Variants in SLC26A3 observed in about 807,000 individuals in gnomAD.
The protein encoded by SLC26A3 is solute carrier family 26 member 3, also known as chloride anion exchanger.
SLC26A3 carries 64 observed loss-of-function variants against 85.6 expected under a neutral mutation model. The observed-to-expected ratio is 0.75, with a 90% CI of 0.61 to 0.92. The LOEUF (loss-of-function observed/expected upper bound fraction) is 0.92. SLC26A3 is among the 40% of genes least tolerant of loss of function. The pLI is 0.00. For missense variants in SLC26A3, 922 were observed against 927.3 expected (o/e 0.99, Z 0.07); for synonymous variants, 349 against 336.0 (o/e 1.04, Z -0.42).
chr7:107,796,649 G>T (rs894646758), intron 1 of SLC26A3, among the ~76,000 whole-genome samples: 2 of 152,116 alleles, frequency 1.3e-5, no homozygotes, highest in Non-Finnish European at 2.9e-5. Context: ...CAACAACATG[G>T]TTGGGGCAAT....
At chr7:107,768,587 C>A (rs532825924) in intron 18 of SLC26A3, among the ~76,000 whole-genome samples, 1 of 152,124 alleles carries the variant, frequency 6.6e-6, no homozygotes, top group Non-Finnish European at 1.5e-5. Flanking sequence ...TGACAGAAAA[C>A]GTGTGGTATA....
intron 13 of SLC26A3, 150 bp from the exon 14 acceptor site, chr7:107,776,856 G>T: frequency 2.8e-6 from 2 of 723,330 alleles, no homozygotes; most frequent in Admixed American, 4.2e-5. Flanking sequence ...ACTCTGGAAG[G>T]TGAACACCTT....
At chr7:107,799,462 T>C (rs1794566533) in intron 1 of SLC26A3, among the ~76,000 whole-genome samples, 1 of 152,052 alleles carries the variant, frequency 6.6e-6, no homozygotes. Flanking sequence ...GCGATTTCAT[T>C]TCACTGCAAA....
At chr7:107,788,779 CTTTTCT>C (rs1794341239) in intron 6 of SLC26A3, among the ~76,000 whole-genome samples, 2 of 122,160 alleles carry the variant, frequency 1.6e-5, no homozygotes, top group African/African-American at 6.3e-5. Flanking sequence ...TTTCTTTTTT[CTTTTCT>C]TTTTTTTTTT....
intron 1 of SLC26A3, among the ~76,000 whole-genome samples, chr7:107,798,901 G>A (rs377379475): frequency 1.3e-5 from 2 of 152,196 alleles, no homozygotes; most frequent in African/African-American, 2.4e-5. Flanking sequence ...ATACAGCAGC[G>A]TCCTGATAAC....
rs752239145 is a variant in SLC26A3, at chr7:107,776,483, A to T, written c.1646T>A (p.Ile549Asn). 9.3e-6 allele frequency: 15 copies of T among 1,614,122 alleles called. No homozygotes were observed. In the East Asian group the frequency reaches 2.9e-4, roughly 31 times the overall value. Residue 549 changes from isoleucine (I) to asparagine (N), a missense_variant, in exon 15 of 21, where the codon ATT becomes AAT. By Grantham distance (149) the Ile-to-Asn change is moderately radical. Coordinates refer to ENST00000340010, the MANE Select transcript of SLC26A3 (RefSeq NM_000111.3). ...RCPSPIYFAN[I>N]GFFRRKLIDA... ...GATAAGTTTCCGCCTAAAGAAACCA[A>T]TGTTTGCAAAGTAGATAGGAGATGG...
At chr7:107,795,364 A>C (rs776942516) in intron 1 of SLC26A3, among the ~76,000 whole-genome samples, 2 of 152,228 alleles carry the variant, frequency 1.3e-5, no homozygotes, top group Non-Finnish European at 2.9e-5. Flanking sequence ...TTTGATTATT[A>C]GCATTTTTTA....
At chr7:107,789,363 GC>G (rs1794353508) in intron 6 of SLC26A3, among the ~76,000 whole-genome samples, 160 bp downstream of exon 6, 1 of 150,932 alleles carries the variant, frequency 6.6e-6, no homozygotes, top group African/African-American at 2.4e-5. Context: ...CTCGTGATCC[GC>G]CCGCCTCGGC....
chr7:107,793,626 G>C lies in SLC26A3; in HGVS notation c.271+116C>G, dbSNP rs371816570. On this transcript the variant is annotated intron_variant, in intron 3 of 20. Coordinates refer to ENST00000340010, the MANE Select transcript of SLC26A3 (RefSeq NM_000111.3). ...GGTTGGTGGTGGTGAAAATGTTCCA[G>C]AATTAGATAGTGGTGACAGATGCAC... is the stretch of plus-strand genomic sequence containing the variant. The C allele has an allele frequency of 9.3e-4, 726 of 783,468 alleles. 8 individuals carry two copies. The African/African-American group carries it at 0.011, about 12-fold the overall frequency. The allele number at this position is 783,468 out of a possible 1,614,324, so 48.5% of individuals were successfully genotyped here.
intron 20 of SLC26A3, among the ~76,000 whole-genome samples, chr7:107,766,678 C>T (rs776744659): frequency 6.6e-6 from 1 of 152,112 alleles, no homozygotes. Context: ...AAGAGAAATA[C>T]CACCAGCTGC....
At chr7:107,779,901 C>T (rs936634312) in intron 11 of SLC26A3, 138 bp from the exon 12 acceptor site, 6 of 733,744 alleles carry the variant, frequency 8.2e-6, no homozygotes, top group African/African-American at 3.5e-5. Flanking sequence ...TTCCGGTGTG[C>T]GATGCCACGC....
At position 107,793,834 on chromosome 7, in the gene SLC26A3, A is replaced by G. The variant is rs1189027885; in HGVS notation, c.179T>C (p.Ile60Thr). 2 of 1,614,138 alleles carry G rather than the reference A, an allele frequency of 1.2e-6. No individual in the cohort carries two copies. The highest frequency in any genetic ancestry group is 2.2e-5 in the East Asian group (1 of 44,878). Residue 60 changes from isoleucine (I) to threonine (T), a missense_variant, in exon 3 of 21, where the codon ATA becomes ACA. By Grantham distance (89) the Ile-to-Thr change is moderately conservative. Transcript: ENST00000340010. ...AKRIVLSLFP[I>T]ASWLPAYRLK... is the part of the protein sequence containing the mutation. ...CCGGTATGCTGGCAACCAAGATGCT[A>G]TGGGGAACAAAGAGAGGACAATTCT...
chr7:107,779,135 G>C (rs1794176913), intron 12 of SLC26A3, among the ~76,000 whole-genome samples: 1 of 152,176 alleles, frequency 6.6e-6, no homozygotes, highest in African/African-American at 2.4e-5. Flanking sequence ...TAAACCAAGT[G>C]TAGTTTACTA....
chr7:107,789,746 C>G, intron 5 of SLC26A3, 58 bp from the exon 6 acceptor site: 3 of 1,512,134 alleles, frequency 2.0e-6, no homozygotes, highest in Non-Finnish European at 2.7e-6. Context: ...TCAGCAAACT[C>G]AAGGATCCGC....
rs1360001910 is a variant in SLC26A3 at position 107,791,236 on chromosome 7, C to T, written c.383-1G>A. On this transcript the variant is annotated splice_acceptor_variant, in intron 4 of 20. Transcript: ENST00000340010. LOFTEE classifies it high-confidence loss of function. The stretch of plus-strand genomic sequence containing the variant: ...ATCATACTCAGAATCGGAAACGGAC[C>T]TAATTAACAGTGGGTGAATCGTGGT... 6.2e-7 allele frequency: 1 copy of T among 1,614,020 alleles called. No homozygotes were observed. Among genetic ancestry groups the T allele is most frequent in the African/African-American group, 1.3e-5 (1 of 74,918 alleles).
intron 1 of SLC26A3, among the ~76,000 whole-genome samples, chr7:107,800,614 C>T (rs573530995): frequency 2.6e-5 from 4 of 152,226 alleles, no homozygotes; most frequent in Non-Finnish European, 5.9e-5. Context: ...AAATCTTAAC[C>T]ATTTTTCCCT....
rs774897858 is a variant in SLC26A3 at position 107,791,986 on chromosome 7, T to A, written c.272-46A>T. 2.7e-6 allele frequency: 3 copies of A among 1,106,266 alleles called. No homozygotes were observed. In the Admixed American group the frequency reaches 5.1e-5, roughly 19 times the overall value. The allele number at this position is 1,106,266 out of a possible 1,614,324, so 68.5% of individuals were successfully genotyped here. The stretch of plus-strand genomic sequence containing the variant: ...GAGCCCTTACTCTGTGCAAGAGGAA[T>A]CAAAGACATTCTCATTTGGTTCTTA... On this transcript the variant is annotated intron_variant, in intron 3 of 20. Transcript: ENST00000340010.
intron 1 of SLC26A3, among the ~76,000 whole-genome samples, chr7:107,798,856 C>G (rs1584415464): frequency 6.6e-6 from 1 of 152,200 alleles, no homozygotes; most frequent in Non-Finnish European, 1.5e-5. Context: ...GGTAAGCCAG[C>G]CCTATTTCAT....
intron 1 of SLC26A3, among the ~76,000 whole-genome samples, chr7:107,802,702 G>A (rs943278934): frequency 1.4e-5 from 2 of 147,886 alleles, no homozygotes; most frequent in African/African-American, 2.5e-5. Context: ...TTTCTAGTAG[G>A]TGATTCTCTC....
Sources: gnomAD v4.1 joint callset for allele counts (sites outside exome capture counted in the v4.1 genomes callset) on GRCh38, gnomAD v4.1.1 for gene constraint, MANE v1.5 for transcripts, NCBI Gene and HGNC (gene_info 2026-07-23, HGNC 2026-07-21) for gene names.